The following PPP2R3C variants were observed in gnomAD, a reference collection of about 807,000 sequenced individuals.
PPP2R3C encodes protein phosphatase 2 regulatory subunit B''gamma.
Under a neutral mutation model 63.7 loss-of-function variants are expected in PPP2R3C, and 47 were observed. The ratio of observed to expected loss-of-function variants is 0.74; its 90% CI spans 0.58 to 0.94. PPP2R3C has a LOEUF of 0.94. Among genes scored for constraint, PPP2R3C ranks in the 40% least tolerant of loss-of-function variants. The pLI, the probability that PPP2R3C is intolerant of heterozygous loss-of-function variation, is 0.00. For missense variants in PPP2R3C, 421 were observed against 518.4 expected, an observed-to-expected ratio of 0.81 and a Z score of 1.82; for synonymous variants, 180 against 177.4, an observed-to-expected ratio of 1.01 and a Z score of -0.12.
At chr14:35,105,860 T>G (rs923073342) in intron 6 of PPP2R3C, among the ~76,000 whole-genome samples, 1 of 152,084 alleles carries the variant, frequency 6.6e-6, no homozygotes, top group African/African-American at 2.4e-5. Flanking sequence ...TTTTTTTTTT[T>G]GAGATGGAGT....
At chr14:35,088,881 A>G (rs1451866808) in intron 11 of PPP2R3C, among the ~76,000 whole-genome samples, 1 of 152,228 alleles carries the variant, frequency 6.6e-6, no homozygotes, top group Admixed American at 6.5e-5. Context: ...GCCTATATGA[A>G]ATATTTTTAA....
In PPP2R3C at chr14:35,085,728, AAGAG is replaced by A; in HGVS notation, c.1220_1223del (p.Ser407PhefsTer4). 1 of 1,611,580 alleles carries A rather than the reference AAGAG, an allele frequency of 6.2e-7. No individual in the cohort carries two copies. The highest frequency in any genetic ancestry group is 8.5e-7 in the Non-Finnish European group (1 of 1,178,498). ...CTTGATTACTGTTGATTAAATCCTG[AAGAG>A]AGATTTTCAAAGGATCCTTTGGTTT... On this transcript the variant is annotated frameshift_variant, in exon 13 of 13. Coordinates refer to ENST00000261475, the MANE Select transcript of PPP2R3C (RefSeq NM_017917.4). LOFTEE classifies it high-confidence loss of function.
chr14:35,110,056 C>T, intron 3 of PPP2R3C, 125 bp from the exon 4 acceptor site: 1 of 677,276 alleles, frequency 1.5e-6, no homozygotes, highest in Non-Finnish European at 2.4e-6. Context: ...AGATGAATCT[C>T]ATGCCCTATT....
intron 11 of PPP2R3C, among the ~76,000 whole-genome samples, chr14:35,088,236 T>G (rs2045673931): frequency 6.6e-6 from 1 of 152,178 alleles, no homozygotes; most frequent in Admixed American, 6.6e-5. Flanking sequence ...ATCTTAACTA[T>G]TGAGAACTTC....
chr14:35,103,793 G>T (rs1165520690), intron 6 of PPP2R3C, among the ~76,000 whole-genome samples: 1 of 152,144 alleles, frequency 6.6e-6, no homozygotes, highest in Non-Finnish European at 1.5e-5. Flanking sequence ...TGCTTAATAA[G>T]ATTTAATAAG....
chr14:35,088,039 TAAA>T, intron 11 of PPP2R3C, 29 bp from the exon 12 acceptor site: 9 of 1,507,024 alleles, frequency 6.0e-6, no homozygotes, highest in Non-Finnish European at 8.3e-6. Context: ...AATCTGTAAA[TAAA>T]AAATGAAATA....
chr14:35,110,920 G>T (rs1269601859), intron 2 of PPP2R3C, among the ~76,000 whole-genome samples: 2 of 152,028 alleles, frequency 1.3e-5, no homozygotes, highest in African/African-American at 4.8e-5. Context: ...CACAGAATTG[G>T]CTGGGCATGC....
At chr14:35,105,472 C>T (rs777327099) in intron 6 of PPP2R3C, among the ~76,000 whole-genome samples, 5 of 151,730 alleles carry the variant, frequency 3.3e-5, no homozygotes, top group Admixed American at 6.6e-5. Flanking sequence ...TGAGCCACCG[C>T]GCCCAGCCAA....
At chr14:35,097,432 G>C (rs1438217423) in intron 7 of PPP2R3C, among the ~76,000 whole-genome samples, 1 of 151,934 alleles carries the variant, frequency 6.6e-6, no homozygotes, top group African/African-American at 2.4e-5. Context: ...GCAATACGCA[G>C]GTAAACAGGT....
chr14:35,108,143 T>G lies in PPP2R3C; in HGVS notation c.498A>C (p.Arg166Ser). Reference sequence around the variant, plus strand: ...AGCACAGTAAAAATGAATCACCTTTTCTCATGACATAATTAAAGAACTGCA... The same window carrying G: ...AGCACAGTAAAAATGAATCACCTTTGCTCATGACATAATTAAAGAACTGCA... ...SIMQFFNYVMRKVWLHQTRIG... is the reference protein window; with the variant it reads ...SIMQFFNYVMSKVWLHQTRIG... Residue 166 changes from arginine (R) to serine (S), a missense_variant, in exon 5 of 13, where the codon AGA (arginine) becomes AGC (serine). By Grantham distance (110) the Arg-to-Ser change is moderately radical (BLOSUM62 -1). Around this residue, in one of 3 missense-constraint regions of PPP2R3C, gnomAD observed 47 missense variants for 102.3 expected, o/e 0.46. Coordinates refer to ENST00000261475, the MANE Select transcript of PPP2R3C (RefSeq NM_017917.4). 6.2e-7 allele frequency: 1 copy of G among 1,607,884 alleles called. No homozygotes were observed. The highest frequency in any genetic ancestry group is 8.5e-7 in the Non-Finnish European group (1 of 1,178,360).
intron 12 of PPP2R3C, 43 bp downstream of exon 12, chr14:35,087,906 ATC>A (rs778223010): frequency 2.8e-5 from 39 of 1,380,536 alleles, no homozygotes; most frequent in African/African-American, 1.0e-4. Context: ...ACAAATGACT[ATC>A]TCATAATTAT....
At chr14:35,087,289 A>G (rs554784308) in intron 12 of PPP2R3C, 1 of 152,346 alleles carries the variant, frequency 6.6e-6, no homozygotes, top group East Asian at 1.9e-4. Context: ...CAAAATTACT[A>G]AAAGTGAACA....
chr14:35,088,039 TA>T, intron 11 of PPP2R3C, 29 bp from the exon 12 acceptor site: 1 of 1,507,020 alleles, frequency 6.6e-7, no homozygotes, highest in South Asian at 1.1e-5. Flanking sequence ...AATCTGTAAA[TA>T]AAAAATGAAA....
intron 2 of PPP2R3C, among the ~76,000 whole-genome samples, chr14:35,113,330 T>G (rs1021080345): frequency 6.6e-6 from 1 of 152,100 alleles, no homozygotes; most frequent in African/African-American, 2.4e-5. Context: ...GGAAAGGACT[T>G]TTTTACAAAT....
At chr14:35,121,759 C>A in intron 1 of PPP2R3C, 143 bp downstream of exon 1, 1 of 922,286 alleles carries the variant, frequency 1.1e-6, no homozygotes, top group Non-Finnish European at 1.6e-6. Flanking sequence ...ATCCTTAAAC[C>A]ACATTCCACT....
rs545736930 is a variant in PPP2R3C at position 35,088,950 on chromosome 14, T to C, written c.1114-940A>G. Among the ~76,000 whole-genome samples the C allele has an allele frequency of 1.9e-4, 29 of 152,354 alleles. No individual in the cohort carries two copies. In the South Asian group the frequency reaches 3.7e-3, roughly 20 times the overall value. Reference sequence around the variant, plus strand: ...AGAAAATACTGTAAAGAAATCTTTATGAAAAAGAGCAGTGTTTAATTTCAA... The same window carrying C: ...AGAAAATACTGTAAAGAAATCTTTACGAAAAAGAGCAGTGTTTAATTTCAA... On this transcript the variant is annotated intron_variant, in intron 11 of 12. Transcript: ENST00000261475.
chr14:35,102,341 T>C (rs2046225761), intron 6 of PPP2R3C: 1 of 152,286 alleles, frequency 6.6e-6, no homozygotes, highest in Admixed American at 6.5e-5. Flanking sequence ...CTTATACTTA[T>C]TTTAACAATG....
At chr14:35,106,060 T>G (rs2046346195) in intron 6 of PPP2R3C, among the ~76,000 whole-genome samples, 1 of 151,578 alleles carries the variant, frequency 6.6e-6, no homozygotes, top group Non-Finnish European at 1.5e-5. Flanking sequence ...TTAGCCAGAA[T>G]GGTCTCGATC....
chr14:35,104,378 C>A (rs1328415197), intron 6 of PPP2R3C, among the ~76,000 whole-genome samples: 1 of 152,164 alleles, frequency 6.6e-6, no homozygotes, highest in Non-Finnish European at 1.5e-5. Context: ...CAAATTATAG[C>A]AGGAACCATA....
Sources: allele counts gnomAD v4.1 joint callset (sites outside exome capture counted in the v4.1 genomes callset), GRCh38; gene constraint gnomAD v4.1.1; regional missense constraint gnomAD v4.1.1; transcripts MANE v1.5; gene names NCBI Gene and HGNC (gene_info 2026-07-23, HGNC 2026-07-21).